Variants in TPRG1 observed in about 807,000 individuals in gnomAD.
The protein encoded by TPRG1 is tumor protein p63 regulated 1, also known as tumor protein p63-regulated gene 1 protein.
Under a neutral mutation model 29.3 loss-of-function variants are expected in TPRG1, and 29 were observed. The observed-to-expected ratio is 0.99, with a 90% CI of 0.74 to 1.35. TPRG1 has a LOEUF of 1.35. TPRG1 is among the 40% of genes most tolerant of loss of function. The pLI, the probability that TPRG1 is intolerant of heterozygous loss-of-function variation, is 0.00. For synonymous variants in TPRG1, 130 were observed against 116.8 expected (o/e 1.11, Z -0.73); for missense variants, 327 against 335.0 (o/e 0.98, Z 0.19).
At chr3:189,161,985 G>A (rs913186445) in intron 5 of TPRG1, among the ~76,000 whole-genome samples, 6 of 151,756 alleles carry the variant, frequency 4.0e-5, no homozygotes, top group African/African-American at 1.2e-4. Context: ...TCTAGGAAGC[G>A]GGACCATTCT....
At chr3:189,081,176 T>C (rs965473097) in intron 4 of TPRG1, among the ~76,000 whole-genome samples, 2 of 152,146 alleles carry the variant, frequency 1.3e-5, no homozygotes, top group East Asian at 1.9e-4. Flanking sequence ...AATGAAGATA[T>C]ACCACTGAAG....
chr3:189,198,460 C>T (rs561530672), intron 1 of TPRG1, among the ~76,000 whole-genome samples: 8 of 152,236 alleles, frequency 5.3e-5, no homozygotes, highest in Non-Finnish European at 1.0e-4. Context: ...CTATGTGTGT[C>T]TGTGAGAGAA....
intron 5 of TPRG1, among the ~76,000 whole-genome samples, chr3:189,153,601 T>A (rs942707678): frequency 3.3e-5 from 5 of 152,104 alleles, no homozygotes; most frequent in African/African-American, 1.2e-4. Context: ...CCCCAGGTAA[T>A]TCTTCCTAGA....
upstream of TPRG1, among the ~76,000 whole-genome samples, chr3:189,168,958 G>A (rs1422267117): frequency 1.3e-5 from 2 of 152,170 alleles, no homozygotes; most frequent in Non-Finnish European, 2.9e-5. Flanking sequence ...GCTGCCCCAG[G>A]CAGTGTGTAA....
intron 1 of TPRG1, among the ~76,000 whole-genome samples, chr3:189,180,482 G>A (rs1730063965): frequency 6.6e-6 from 1 of 152,294 alleles, no homozygotes; most frequent in South Asian, 2.1e-4. Flanking sequence ...CCAAATGGGA[G>A]AAATTGGCCA....
intron 4 of TPRG1, among the ~76,000 whole-genome samples, chr3:189,026,884 G>C (rs144319986): frequency 2.6e-5 from 4 of 152,290 alleles, no homozygotes; most frequent in Admixed American, 2.6e-4. Context: ...TGGCGTGTTT[G>C]TTGAGAGCAT....
intron 5 of TPRG1, among the ~76,000 whole-genome samples, chr3:189,311,493 A>G (rs918162084): frequency 4.6e-5 from 7 of 152,168 alleles, no homozygotes; most frequent in African/African-American, 1.7e-4. Context: ...GTGTGAAAAT[A>G]TTTTAACTTG....
intron 4 of TPRG1, chr3:189,240,273 T>A (rs554008740): frequency 6.6e-6 from 1 of 152,294 alleles, no homozygotes; most frequent in South Asian, 2.1e-4. Context: ...TATTTAAATA[T>A]TACAAAAATG....
At chr3:189,053,887 A>G (rs1390478310) in intron 4 of TPRG1, among the ~76,000 whole-genome samples, 3 of 152,144 alleles carry the variant, frequency 2.0e-5, no homozygotes, top group East Asian at 3.9e-4. Flanking sequence ...AGCTTGTTTG[A>G]TCTTCTTTAC....
At chr3:189,213,020 A>G (rs534032406) in intron 2 of TPRG1, among the ~76,000 whole-genome samples, 2 of 152,270 alleles carry the variant, frequency 1.3e-5, no homozygotes, top group South Asian at 4.1e-4. Flanking sequence ...ATATTATTCC[A>G]CTGTATTTCC....
chr3:189,289,455 A>G (rs1718634586), intron 4 of TPRG1, among the ~76,000 whole-genome samples: 2 of 143,510 alleles, frequency 1.4e-5, no homozygotes, highest in Admixed American at 1.4e-4. Context: ...CCTGACTGTG[A>G]TTCTATGTAG....
chr3:189,068,644 C>T (rs888969999), intron 4 of TPRG1, among the ~76,000 whole-genome samples: 4 of 152,120 alleles, frequency 2.6e-5, no homozygotes, highest in South Asian at 2.1e-4. Flanking sequence ...GGCGTGGTGG[C>T]GGTCGCCTGT....
chr3:189,077,050 A>G (rs971731068), intron 4 of TPRG1, among the ~76,000 whole-genome samples: 3 of 152,136 alleles, frequency 2.0e-5, no homozygotes, highest in Admixed American at 1.3e-4. Flanking sequence ...CAGTGATGAT[A>G]TGGAGCAAGT....
At chr3:189,078,967 A>G (rs1383545673) in intron 4 of TPRG1, among the ~76,000 whole-genome samples, 1 of 152,200 alleles carries the variant, frequency 6.6e-6, no homozygotes, top group East Asian at 1.9e-4. Flanking sequence ...GGAATACTTT[A>G]GGCTGGATAA....
intron 4 of TPRG1, among the ~76,000 whole-genome samples, chr3:189,240,022 G>A (rs1351917855): frequency 6.6e-6 from 1 of 152,080 alleles, no homozygotes; most frequent in African/African-American, 2.4e-5. Context: ...TGTTGATTTT[G>A]TTGTCCTTTA....
intron 3 of TPRG1, among the ~76,000 whole-genome samples, chr3:189,223,424 A>G (rs909454372): frequency 6.6e-6 from 1 of 152,196 alleles, no homozygotes; most frequent in Non-Finnish European, 1.5e-5. Flanking sequence ...ATCCATTTAT[A>G]CTGGGTGGGT....
intron 4 of TPRG1, among the ~76,000 whole-genome samples, chr3:189,064,343 T>C (rs922303817): frequency 2.6e-5 from 4 of 152,122 alleles, no homozygotes; most frequent in Admixed American, 1.3e-4. Context: ...AAGAACTGTT[T>C]AAGGCCTCAC....
At chr3:189,227,900 T>C (rs538491805) in intron 3 of TPRG1, among the ~76,000 whole-genome samples, 1 of 152,240 alleles carries the variant, frequency 6.6e-6, no homozygotes, top group Admixed American at 6.5e-5. Context: ...GGTGGGCAGA[T>C]TGCCAGAGCT....
At chr3:189,241,969 T>G (rs1222210409) in intron 4 of TPRG1, among the ~76,000 whole-genome samples, 4 of 152,162 alleles carry the variant, frequency 2.6e-5, no homozygotes, top group African/African-American at 9.6e-5. Flanking sequence ...ATCAAATTTC[T>G]CATTCTTTCA....
Sources: gnomAD v4.1 joint callset for allele counts (sites outside exome capture counted in the v4.1 genomes callset) on GRCh38, gnomAD v4.1.1 for gene constraint, MANE v1.5 for transcripts, NCBI Gene and HGNC (gene_info 2026-07-23, HGNC 2026-07-21) for gene names.